The following SCAF8 variants were observed in gnomAD, a reference collection of about 807,000 sequenced individuals.
SCAF8 encodes the protein SR-related CTD associated factor 8, also known as SR-related and CTD-associated factor 8.
SCAF8 carries 23 observed loss-of-function variants against 140.5 expected under a neutral mutation model. The ratio of observed to expected loss-of-function variants is 0.16; its 90% CI spans 0.12 to 0.23. The LOEUF (loss-of-function observed/expected upper bound fraction) is 0.23, where lower values mean the gene tolerates loss of function less well. SCAF8 is among the 10% of genes least tolerant of loss of function. SCAF8 has a pLI of 1.00. For missense variants in SCAF8, 1,397 were observed against 1,555.7 expected (o/e 0.90, Z 1.72); for synonymous variants, 575 against 528.9 (o/e 1.09, Z -1.20).
At position 154,808,756 on chromosome 6, in the gene SCAF8, C is replaced by A. The variant is rs538989686; in HGVS notation, c.1184C>A (p.Ala395Glu). ...TTTGAACAAGAAGCTAAGAAAGTGG[C>A]GGTTCGCTCAAGATCAAGAACACAT... ...EVFEQEAKKV[A>E]VRSRSRTHSR... The change falls in exon 11 of 20, where the codon GCG (alanine) becomes GAG (glutamate). Residue 395 changes from alanine to glutamate, a missense_variant. Ala to Glu is a moderately radical substitution (Grantham distance 107). Transcript: ENST00000367178. The A allele has an allele frequency of 6.2e-7, 1 of 1,613,546 alleles. No individual in the cohort carries two copies.
rs116429890 is a variant in SCAF8, at chr6:154,801,040, G to C, written c.607-931G>C. 1.9e-3 allele frequency among the ~76,000 whole-genome samples: 285 copies of C among 151,556 alleles called. 3 individuals are homozygous for C. The highest frequency in any genetic ancestry group is 6.6e-3 in the African/African-American group (272 of 41,514). ...GATGCTCCAGTGGTTTTTTACCTGG[G>C]TGACCAAAAGAATAACAGTGCCATG... On this transcript the variant is annotated intron_variant, in intron 6 of 19. Coordinates refer to ENST00000367178, the MANE Select transcript of SCAF8 (RefSeq NM_014892.5).
intron 15 of SCAF8, among the ~76,000 whole-genome samples, chr6:154,821,643 G>A (rs1033683495): frequency 1.1e-4 from 17 of 152,118 alleles, no homozygotes; most frequent in African/African-American, 2.7e-4. Context: ...CAGCCATCTG[G>A]GGAAAGAGTA....
At chr6:154,769,082 A>G (rs1164667091) in intron 1 of SCAF8, among the ~76,000 whole-genome samples, 1 of 150,618 alleles carries the variant, frequency 6.6e-6, no homozygotes, top group Admixed American at 6.7e-5. Context: ...AAAAAAAAAA[A>G]AAAATCACAT....
chr6:154,761,599 G>A (rs527618263), intron 1 of SCAF8, among the ~76,000 whole-genome samples: 1 of 152,278 alleles, frequency 6.6e-6, no homozygotes, highest in East Asian at 1.9e-4. Flanking sequence ...CCTGATCTGG[G>A]AGGATTCCCT....
chr6:154,749,569 C>T (rs1456491680), intron 1 of SCAF8, among the ~76,000 whole-genome samples: 5 of 152,096 alleles, frequency 3.3e-5, no homozygotes, highest in Non-Finnish European at 5.9e-5. Flanking sequence ...GTGATGTCAC[C>T]TATGTATAGT....
chr6:154,733,378 G>A (rs1335641630), upstream of SCAF8: 4 of 1,309,342 alleles, frequency 3.1e-6, no homozygotes, highest in South Asian at 4.2e-5. Context: ...AGCCGGCGCC[G>A]CGGATCCCCG....
intron 11 of SCAF8, 64 bp from the exon 12 acceptor site, chr6:154,809,951 A>G: frequency 7.0e-6 from 9 of 1,289,770 alleles, no homozygotes; most frequent in Non-Finnish European, 9.9e-6. Flanking sequence ...TCCCTCACTT[A>G]GAAGTGACAG....
rs553994798 is a variant in SCAF8 at position 154,744,398 on chromosome 6, AAG to A, written c.30+10469_30+10470del. ...ACTCACAAAAATTAAAAAGAAAAAA[AAG>A]GAGGTATTAGAAAAAAGTGAACCAC... On this transcript the variant is annotated intron_variant, in intron 1 of 19. Coordinates refer to ENST00000367178, the MANE Select transcript of SCAF8 (RefSeq NM_014892.5). Among the ~76,000 whole-genome samples, 25 of 152,314 alleles carry A rather than the reference AAG, an allele frequency of 1.6e-4. No individual in the cohort carries two copies. The South Asian group carries it at 5.2e-3, about 32-fold the overall frequency.
chr6:154,776,434 C>T (rs369072790), intron 2 of SCAF8, among the ~76,000 whole-genome samples: 4 of 151,996 alleles, frequency 2.6e-5, no homozygotes, highest in Non-Finnish European at 4.4e-5. Context: ...GCATTGTCAA[C>T]AAAACCTCCC....
At chr6:154,772,411 C>T (rs954983502) in intron 1 of SCAF8, among the ~76,000 whole-genome samples, 11 of 152,124 alleles carry the variant, frequency 7.2e-5, no homozygotes, top group South Asian at 2.1e-4. Flanking sequence ...GGAGGTAGGC[C>T]GGGCACTGTG....
intron 1 of SCAF8, among the ~76,000 whole-genome samples, chr6:154,768,554 A>G (rs765648682): frequency 6.6e-6 from 1 of 152,166 alleles, no homozygotes; most frequent in Non-Finnish European, 1.5e-5. Context: ...TTAATACTTC[A>G]TCTTTAACAT....
chr6:154,770,396 T>A (rs1030990104), intron 1 of SCAF8, among the ~76,000 whole-genome samples: 985 of 41,742 alleles, frequency 0.024, 14 homozygotes, highest in African/African-American at 0.13. Flanking sequence ...ACACTCTCTC[T>A]CTCTCTCTCT....
chr6:154,733,480 T>C lies in SCAF8; in HGVS notation c.-421T>C. The C allele has an allele frequency of 2.7e-5, 37 of 1,347,460 alleles. No homozygotes were observed. Among genetic ancestry groups the C allele is most frequent in the Non-Finnish European group, 3.5e-5 (37 of 1,053,426 alleles). The allele number at this position is 1,347,460 out of a possible 1,614,324, so 83.5% of individuals were successfully genotyped here. A position where few individuals can be genotyped will look rare whatever the true frequency, so the allele number is the denominator to read the frequency against. ...TCTGTCTTCGCCGAGCGGGGCTGGT[T>C]CCTGCGGCCCGAGCGGCGGGGAGGT... is the stretch of plus-strand genomic sequence containing the variant. On this transcript the variant is annotated 5_prime_UTR_variant, in exon 1 of 20. Transcript: ENST00000367178.
chr6:154,815,928 A>C (rs1011256545), intron 13 of SCAF8, 112 bp downstream of exon 13: 2 of 550,438 alleles, frequency 3.6e-6, no homozygotes, highest in African/African-American at 1.9e-5. Context: ...AATAATACAC[A>C]TCTTTAAAAG....
intron 1 of SCAF8, among the ~76,000 whole-genome samples, chr6:154,752,559 C>T (rs1368218320): frequency 1.3e-5 from 2 of 151,500 alleles, no homozygotes; most frequent in African/African-American, 4.9e-5. Context: ...TCTCTGTTGC[C>T]CTGGAAAGTA....
intron 5 of SCAF8, among the ~76,000 whole-genome samples, chr6:154,793,416 CAAAGT>C (rs1777482395): frequency 6.6e-6 from 1 of 151,296 alleles, no homozygotes; most frequent in Non-Finnish European, 1.5e-5. Context: ...AAATTTTTAT[CAAAGT>C]AATTTAAAAA....
chr6:154,831,917 T>TTC, intron 19 of SCAF8, 22 bp from the exon 20 acceptor site: 6 of 1,558,176 alleles, frequency 3.9e-6, no homozygotes, highest in South Asian at 2.5e-5. Context: ...TTTGAGTTTT[T>TTC]TCTCTCTCTC....
At chr6:154,815,300 AAAAT>A (rs1438992141) in intron 12 of SCAF8, among the ~76,000 whole-genome samples, 1 of 152,206 alleles carries the variant, frequency 6.6e-6, no homozygotes, top group Non-Finnish European at 1.5e-5. Context: ...CCGTCTCAAA[AAAAT>A]AAATAAATAA....
chr6:154,766,446 G>A (rs2114832917), intron 1 of SCAF8, among the ~76,000 whole-genome samples: 1 of 152,250 alleles, frequency 6.6e-6, no homozygotes, highest in East Asian at 1.9e-4. Context: ...TAAATCAAAA[G>A]CAGTCTTGGA....
Sources: allele counts gnomAD v4.1 joint callset (sites outside exome capture counted in the v4.1 genomes callset), GRCh38; gene constraint gnomAD v4.1.1; transcripts MANE v1.5; gene names NCBI Gene and HGNC (gene_info 2026-07-23, HGNC 2026-07-21).